PCDHA11: variants seen among roughly 807,000 people sequenced by gnomAD.
PCDHA11 encodes protocadherin alpha 11.
PCDHA11 carries 61 observed loss-of-function variants against 70.3 expected under a neutral mutation model. The observed-to-expected ratio is 0.87, with a 90% CI of 0.71 to 1.07. The LOEUF (loss-of-function observed/expected upper bound fraction) is 1.07, where lower values mean the gene tolerates loss of function less well. Among genes scored for constraint, PCDHA11 ranks in the 50% least tolerant of loss-of-function variants. The pLI is 0.00. For synonymous variants in PCDHA11, 633 were observed against 555.1 expected, an observed-to-expected ratio of 1.14 and a Z score of -1.97; for missense variants, 1,324 against 1,237.5, an observed-to-expected ratio of 1.07 and a Z score of -1.05.
At position 141,010,329 on chromosome 5, in the gene PCDHA11, GTTTGTGGCCACTGGGTA is replaced by G. The variant is rs1554262887; in HGVS notation, c.*394_*410del. The G allele has an allele frequency of 1.9e-6, 3 of 1,538,554 alleles. No individual in the cohort carries two copies. The East Asian group carries it at 7.3e-5, about 38-fold the overall frequency. ...AGTTTTGAGATTGAGCAGCTTGGGA[GTTTGTGGCCACTGGGTA>G]TGTGTGGCTACCGCGGGTATGCGAG... On this transcript the variant is annotated 3_prime_UTR_variant, in exon 4 of 4. Coordinates refer to ENST00000398640, the MANE Select transcript of PCDHA11 (RefSeq NM_018902.5).
At chr5:140,952,698 C>G (rs1020795237) in intron 1 of PCDHA11, among the ~76,000 whole-genome samples, 4 of 152,182 alleles carry the variant, frequency 2.6e-5, no homozygotes, top group Non-Finnish European at 4.4e-5. Context: ...ATAGCAATAT[C>G]CCACTCTCAG....
intron 1 of PCDHA11, chr5:140,968,346 C>T: frequency 6.2e-7 from 1 of 1,614,090 alleles, no homozygotes. Flanking sequence ...ATTAACAGTG[C>T]CAGTGGCAGC....
At chr5:141,006,130 TAGAAAGCTTAAGC>T (rs2098257447) in intron 3 of PCDHA11, among the ~76,000 whole-genome samples, 1 of 150,362 alleles carries the variant, frequency 6.7e-6, no homozygotes. Context: ...CTCAAGGCAG[TAGAAAGCTTAAGC>T]AGAGGAGTGA....
intron 1 of PCDHA11, among the ~76,000 whole-genome samples, chr5:140,970,479 G>A (rs782054417): frequency 1.3e-4 from 20 of 152,160 alleles, no homozygotes; most frequent in Admixed American, 8.5e-4. Context: ...AGGCCAGCTT[G>A]TTCATTATTA....
chr5:140,875,260 C>T (rs2153321792), intron 1 of PCDHA11: 1 of 1,109,124 alleles, frequency 9.0e-7, no homozygotes, highest in Non-Finnish European at 1.2e-6. Context: ...CACATGATGT[C>T]GCTCTACACT....
intron 1 of PCDHA11, among the ~76,000 whole-genome samples, chr5:140,914,901 G>A (rs2076874560): frequency 6.8e-6 from 1 of 147,044 alleles, no homozygotes; most frequent in African/African-American, 2.5e-5. Flanking sequence ...TTAACTTTGT[G>A]TTGTTTCTCT....
At chr5:140,881,461 C>T (rs1428843491) in intron 1 of PCDHA11, 1 of 635,408 alleles carries the variant, frequency 1.6e-6, no homozygotes, top group Non-Finnish European at 2.0e-6. Context: ...AACCTTAGAG[C>T]ATTGTTGTGG....
rs1002607780 is a variant in PCDHA11 at position 141,011,898 on chromosome 5, T to G, written c.*1961T>G. 1.8e-4 allele frequency: 27 copies of G among 148,586 alleles called. 1 individual carries two copies. Among genetic ancestry groups the G allele is most frequent in the Admixed American group, 1.5e-3 (23 of 15,026 alleles). The allele number at this position is 148,586 out of a possible 1,614,324, so 9.2% of individuals were successfully genotyped here. On this transcript the variant is annotated 3_prime_UTR_variant, in exon 4 of 4. Coordinates refer to ENST00000398640, the MANE Select transcript of PCDHA11 (RefSeq NM_018902.5). ...TAGAAGTTTGATTAATTATATTATC[T>G]ATTTAGGCATTAATATAAAAGAGGT...
At position 140,869,180 on chromosome 5, in the gene PCDHA11, T is replaced by C. The variant is rs782798909; in HGVS notation, c.77T>C (p.Val26Ala). ...LWLLLLEFWE[V>A]GSGQLHYSVS... ...CTTCTCCTCCTCGAATTCTGGGAGGTGGGGAGCGGCCAGCTCCACTACTCC... is the reference window on the plus strand; with the variant it reads ...CTTCTCCTCCTCGAATTCTGGGAGGCGGGGAGCGGCCAGCTCCACTACTCC... Residue 26 changes from valine to alanine, a missense_variant, in exon 1 of 4, where the codon GTG (valine) becomes GCG (alanine). By Grantham distance (64) the Val-to-Ala change is moderately conservative (BLOSUM62 0). Coordinates refer to ENST00000398640, the MANE Select transcript of PCDHA11 (RefSeq NM_018902.5). The C allele has an allele frequency of 6.2e-7, 1 of 1,613,322 alleles. No individual in the cohort carries two copies. The highest frequency in any genetic ancestry group is 1.7e-5 in the Admixed American group (1 of 59,938).
chr5:140,959,320 A>C (rs2095480939), intron 1 of PCDHA11, among the ~76,000 whole-genome samples: 1 of 152,108 alleles, frequency 6.6e-6, no homozygotes, highest in Non-Finnish European at 1.5e-5. Context: ...AGCTGCAATA[A>C]GTTTTGATTA....
chr5:140,985,111 G>A (rs1252708098), intron 3 of PCDHA11, among the ~76,000 whole-genome samples: 2 of 151,892 alleles, frequency 1.3e-5, no homozygotes, highest in African/African-American at 2.4e-5. Context: ...CTAATTTTTT[G>A]TGTTTTTAGT....
intron 3 of PCDHA11, among the ~76,000 whole-genome samples, chr5:140,992,848 C>T (rs2097530967): frequency 6.6e-6 from 1 of 152,124 alleles, no homozygotes; most frequent in Non-Finnish European, 1.5e-5. Flanking sequence ...TGTATAACAA[C>T]CAGTTTCACT....
intron 1 of PCDHA11, among the ~76,000 whole-genome samples, chr5:140,912,685 G>A (rs2076025155): frequency 6.6e-6 from 1 of 152,060 alleles, no homozygotes; most frequent in Non-Finnish European, 1.5e-5. Flanking sequence ...CTTATTCCAG[G>A]TCTCAGGGGG....
intron 1 of PCDHA11, among the ~76,000 whole-genome samples, chr5:140,907,806 A>G (rs1046843294): frequency 2.6e-5 from 4 of 152,192 alleles, no homozygotes; most frequent in Non-Finnish European, 5.9e-5. Flanking sequence ...AGTGGTGTCC[A>G]CAGAACGAGT....
At chr5:140,907,134 C>A (rs1167927748) in intron 1 of PCDHA11, among the ~76,000 whole-genome samples, 1 of 152,112 alleles carries the variant, frequency 6.6e-6, no homozygotes, top group Non-Finnish European at 1.5e-5. Flanking sequence ...CCTGTGAATT[C>A]CGGCTATGGG....
intron 1 of PCDHA11, chr5:140,969,615 G>A (rs1417453925): frequency 3.6e-5 from 26 of 714,726 alleles, no homozygotes; most frequent in Non-Finnish European, 5.5e-5. Flanking sequence ...ACACAGATTT[G>A]TAGAGAAACA....
At chr5:140,881,185 A>G (rs893291095) in intron 1 of PCDHA11, 7 of 166,796 alleles carry the variant, frequency 4.2e-5, no homozygotes, top group African/African-American at 1.7e-4. Flanking sequence ...CTTGCTAAAG[A>G]TATGTTAACA....
chr5:140,880,090 G>A (rs977793027), intron 1 of PCDHA11, among the ~76,000 whole-genome samples: 3 of 152,136 alleles, frequency 2.0e-5, no homozygotes, highest in Admixed American at 2.0e-4. Context: ...ATTATAGTAG[G>A]CTTAAAATCA....
At chr5:140,877,417 G>T (rs782190793) in intron 1 of PCDHA11, 5 of 1,613,822 alleles carry the variant, frequency 3.1e-6, no homozygotes, top group Admixed American at 1.7e-5. Context: ...CCGCCTGCTG[G>T]TGCTGGTGAA....
Sources: allele counts gnomAD v4.1 joint callset (sites outside exome capture counted in the v4.1 genomes callset), GRCh38; gene constraint gnomAD v4.1.1; transcripts MANE v1.5; gene names NCBI Gene and HGNC (gene_info 2026-07-23, HGNC 2026-07-21).